Variants in CBLC observed in about 807,000 individuals in gnomAD.
The protein encoded by CBLC is Cbl proto-oncogene C.
A neutral mutation model predicts 58.6 loss-of-function variants in CBLC; 46 were observed. That is an observed-to-expected ratio of 0.79 (90% CI 0.62 to 1.00). The LOEUF is 1.00. Among genes scored for constraint, CBLC ranks in the 50% least tolerant of loss-of-function variants. The probability of loss-of-function intolerance (pLI) is 0.00; values close to 1 mark genes in which losing one functional copy is unlikely to be tolerated. For missense variants in CBLC, 655 were observed against 625.8 expected (o/e 1.05, Z -0.50); for synonymous variants, 271 against 264.2 (o/e 1.03, Z -0.25).
chr19:44,795,481 C>T (rs567316712), intron 9 of CBLC, among the ~76,000 whole-genome samples: 1 of 151,998 alleles, frequency 6.6e-6, no homozygotes, highest in Admixed American at 6.6e-5. Context: ...CACACCACTG[C>T]ACTCCAGCCT....
chr19:44,792,182 C>T (rs540348934), intron 6 of CBLC, among the ~76,000 whole-genome samples: 1 of 151,866 alleles, frequency 6.6e-6, no homozygotes, highest in African/African-American at 2.4e-5. Flanking sequence ...TTAGTAGAGA[C>T]GGGGTTTCAA....
intron 5 of CBLC, among the ~76,000 whole-genome samples, chr19:44,785,143 T>G (rs890432212): frequency 4.6e-5 from 7 of 151,148 alleles, no homozygotes; most frequent in Non-Finnish European, 7.4e-5. Flanking sequence ...GGCTAATTTT[T>G]TGTGTGTGTT....
At chr19:44,790,801 A>G (rs1323790854) in intron 6 of CBLC, among the ~76,000 whole-genome samples, 3 of 152,130 alleles carry the variant, frequency 2.0e-5, no homozygotes, top group Admixed American at 2.0e-4. Flanking sequence ...TTCAAATTGT[A>G]TTCACGGTTT....
intron 5 of CBLC, among the ~76,000 whole-genome samples, chr19:44,785,091 C>T (rs1396594408): frequency 6.7e-6 from 1 of 149,934 alleles, no homozygotes; most frequent in East Asian, 2.0e-4. Flanking sequence ...CCTGCCTCAG[C>T]CGCCTGAGTA....
intron 6 of CBLC, among the ~76,000 whole-genome samples, chr19:44,791,914 C>T (rs1197301886): frequency 6.6e-6 from 1 of 151,990 alleles, no homozygotes; most frequent in Non-Finnish European, 1.5e-5. Context: ...AGCATTCCAC[C>T]TGCCTTGGCC....
chr19:44,787,683 G>A (rs771368552), intron 5 of CBLC, among the ~76,000 whole-genome samples: 1 of 151,372 alleles, frequency 6.6e-6, no homozygotes, highest in South Asian at 2.1e-4. Flanking sequence ...CAGGCATGGT[G>A]GCAGGCGCCT....
At chr19:44,784,948 G>GTTTT (rs1555779690) in intron 5 of CBLC, among the ~76,000 whole-genome samples, 1 of 69,070 alleles carries the variant, frequency 1.4e-5, no homozygotes, top group Non-Finnish European at 2.8e-5. Flanking sequence ...TGCTAGACAG[G>GTTTT]TGTTTTTTTT....
chr19:44,783,455 G>A (rs1967801907), intron 4 of CBLC, among the ~76,000 whole-genome samples: 1 of 151,804 alleles, frequency 6.6e-6, no homozygotes, highest in Non-Finnish European at 1.5e-5. Flanking sequence ...GTTGCAGTGA[G>A]CCAAGATCAC....
At chr19:44,799,582 T>C (rs1220853867) in intron 9 of CBLC, among the ~76,000 whole-genome samples, 1 of 152,058 alleles carries the variant, frequency 6.6e-6, no homozygotes, top group Non-Finnish European at 1.5e-5. Context: ...TCCACCCACC[T>C]CGGCCTCCCA....
chr19:44,782,202 A>G (rs1246747979), intron 3 of CBLC, among the ~76,000 whole-genome samples, 168 bp from the exon 4 acceptor site: 1 of 152,064 alleles, frequency 6.6e-6, no homozygotes, highest in Non-Finnish European at 1.5e-5. Context: ...TAGGGTCCCA[A>G]ACTCCTGAGT....
At chr19:44,785,784 A>G (rs999095673) in intron 5 of CBLC, among the ~76,000 whole-genome samples, 3 of 152,028 alleles carry the variant, frequency 2.0e-5, no homozygotes, top group African/African-American at 2.4e-5. Context: ...AAAAATTAAA[A>G]AAAATTAGCT....
At position 44,777,903 on chromosome 19, in the gene CBLC, C is replaced by T. The variant is rs767823003; in HGVS notation, c.-29C>T. 4.0e-6 allele frequency: 6 copies of T among 1,510,254 alleles called. No homozygotes were observed. In the East Asian group the frequency reaches 7.5e-5, roughly 19 times the overall value. The allele number at this position is 1,510,254 out of a possible 1,614,324, so 93.6% of individuals were successfully genotyped here. On this transcript the variant is annotated 5_prime_UTR_variant, in exon 1 of 11. Transcript: ENST00000647358. ...GAGGCCGCCCCTATCCCAGCCGCAC[C>T]GGTCCTTCCCGGCACACGCGAGGCT...
At chr19:44,789,746 C>T (rs979578207) in intron 5 of CBLC, among the ~76,000 whole-genome samples, 13 of 152,116 alleles carry the variant, frequency 8.5e-5, no homozygotes, top group African/African-American at 2.9e-4. Context: ...ATCCTTGTTT[C>T]TGGAGCTTGA....
intron 1 of CBLC, among the ~76,000 whole-genome samples, chr19:44,779,648 C>G (rs2122380182): frequency 6.6e-6 from 1 of 151,030 alleles, no homozygotes; most frequent in Admixed American, 6.6e-5. Flanking sequence ...AACTCCTGGG[C>G]TCAAGTGATC....
chr19:44,780,629 C>T (rs1430208341), intron 1 of CBLC, among the ~76,000 whole-genome samples: 3 of 151,436 alleles, frequency 2.0e-5, no homozygotes, highest in East Asian at 1.9e-4. Context: ...GGCGCCACCA[C>T]GCCAGGCTAA....
Position 44,780,900 on chromosome 19 carries a change from C to T in CBLC, c.354-5C>T. 6.2e-7 allele frequency: 1 copy of T among 1,611,018 alleles called. No individual in the cohort carries two copies. The highest frequency in any genetic ancestry group is 8.5e-7 in the Non-Finnish European group (1 of 1,179,786). ...GATAGCCAGAGTCCTTGCCCATCCCCACAGGCGACAGCTGGCCAAGCTGGC... is the reference window on the plus strand; with the variant it reads ...GATAGCCAGAGTCCTTGCCCATCCCTACAGGCGACAGCTGGCCAAGCTGGC... On this transcript the variant is annotated splice_polypyrimidine_tract_variant and splice_region_variant and intron_variant, in intron 1 of 10. Transcript: ENST00000647358.
Position 44,778,723 on chromosome 19 carries a change from C to A in CBLC, c.353+439C>A, listed in dbSNP as rs112633578. ...GGCCCCAGCCCCTCCTCCCTCAGAC[C>A]CAGGAACTCAGGCCCCCATCCCCTC... On this transcript the variant is annotated intron_variant, in intron 1 of 10. Transcript: ENST00000647358. 1.0e-3 allele frequency among the ~76,000 whole-genome samples: 48 copies of A among 47,778 alleles called. 1 individual carries two copies. Among genetic ancestry groups the A allele is most frequent in the East Asian group, 4.4e-3 (5 of 1,146 alleles). The allele number at this position is 47,778 out of a possible 152,430, so 31.3% of individuals were successfully genotyped here. A position where few individuals can be genotyped will look rare whatever the true frequency, so the allele number is the denominator to read the frequency against.
upstream of CBLC, chr19:44,777,888 C>G: frequency 2.0e-6 from 3 of 1,468,278 alleles, no homozygotes; most frequent in Non-Finnish European, 1.8e-6. Flanking sequence ...GAGGCCGCCC[C>G]TATCCCAGCC....
At chr19:44,795,749 T>C (rs1968164387) in intron 9 of CBLC, among the ~76,000 whole-genome samples, 1 of 152,206 alleles carries the variant, frequency 6.6e-6, no homozygotes, top group South Asian at 2.1e-4. Flanking sequence ...TGTCGGCTTT[T>C]ATCACTGTCA....
Sources: allele counts gnomAD v4.1 joint callset (sites outside exome capture counted in the v4.1 genomes callset), GRCh38; gene constraint gnomAD v4.1.1; transcripts MANE v1.5; gene names NCBI Gene and HGNC (gene_info 2026-07-23, HGNC 2026-07-21).